The following DOCK3 variants were observed in gnomAD, a reference collection of about 807,000 sequenced individuals.
DOCK3 encodes the protein dedicator of cytokinesis 3.
In DOCK3, 60 loss-of-function variants were observed where a neutral mutation model predicts 265.6. The observed-to-expected ratio is 0.23, with a 90% CI of 0.18 to 0.28. The LOEUF is 0.28. Ranked by LOEUF, DOCK3 falls within the 10% of genes least tolerant of loss-of-function variation. The probability of loss-of-function intolerance (pLI) is 1.00; values close to 1 mark genes in which losing one functional copy is unlikely to be tolerated. For synonymous variants in DOCK3, 881 were observed against 938.0 expected, an observed-to-expected ratio of 0.94 and a Z score of 1.11; for missense variants, 1,981 against 2,594.3, an observed-to-expected ratio of 0.76 and a Z score of 5.14.
At chr3:51,350,155 G>T in intron 39 of DOCK3, 133 bp from the exon 40 acceptor site, 1 of 730,220 alleles carries the variant, frequency 1.4e-6, no homozygotes, top group Non-Finnish European at 2.3e-6. Context: ...CATGTCTAGA[G>T]GCTCACTTAC....
chr3:50,982,358 C>A (rs146403986), intron 5 of DOCK3, among the ~76,000 whole-genome samples: 1 of 151,886 alleles, frequency 6.6e-6, no homozygotes, highest in African/African-American at 2.4e-5. Context: ...TGTTTATCAC[C>A]GCAATTTGGT....
At chr3:51,160,930 G>A (rs1389617089) in intron 12 of DOCK3, among the ~76,000 whole-genome samples, 1 of 151,948 alleles carries the variant, frequency 6.6e-6, no homozygotes, top group Non-Finnish European at 1.5e-5. Context: ...CAAAAAATTA[G>A]CCAGGCGTGG....
At chr3:50,784,568 G>A (rs1286171494) in intron 2 of DOCK3, among the ~76,000 whole-genome samples, 2 of 152,028 alleles carry the variant, frequency 1.3e-5, no homozygotes, top group East Asian at 3.9e-4. Flanking sequence ...TATTTTGATG[G>A]GAATTGCATT....
chr3:51,227,504 C>T, intron 16 of DOCK3, 59 bp downstream of exon 16: 2 of 1,596,946 alleles, frequency 1.3e-6, no homozygotes, highest in Admixed American at 1.7e-5. Context: ...ACTCTCTCCT[C>T]TCTTGAACAG....
At chr3:51,209,099 C>T (rs4340738) in intron 13 of DOCK3, among the ~76,000 whole-genome samples, 138,714 of 152,284 alleles carry the variant, frequency 0.91, 63,319 homozygotes, top group African/African-American at 0.95. Flanking sequence ...ATAGGTAACT[C>T]GAGTTCCAAT....
At chr3:51,375,863 C>G (rs766041601) in intron 51 of DOCK3, 28 bp downstream of exon 51, 7 of 1,612,328 alleles carry the variant, frequency 4.3e-6, no homozygotes, top group Admixed American at 3.3e-5. Context: ...GCCTTCCCCC[C>G]ATGTCTGTCC....
intron 12 of DOCK3, among the ~76,000 whole-genome samples, chr3:51,206,587 A>G (rs2089225750): frequency 6.6e-6 from 1 of 152,102 alleles, no homozygotes; most frequent in Non-Finnish European, 1.5e-5. Context: ...GAGACGGGGA[A>G]AGAAAGGCAA....
rs535630813 is a variant in DOCK3, at chr3:51,070,123, TATC to T, written c.465-5230_465-5228del. Among the ~76,000 whole-genome samples, 498 of 152,340 alleles carry T rather than the reference TATC, an allele frequency of 3.3e-3. 4 individuals carry two copies. Among genetic ancestry groups the T allele is most frequent in the African/African-American group, 0.012 (481 of 41,570 alleles). ...AGACACTCTTTTGGCATTTTTTGCT[TATC>T]ATTATAACCTGCACTCAGCACTTGG... On this transcript the variant is annotated intron_variant, in intron 6 of 52. Coordinates refer to ENST00000266037, the MANE Select transcript of DOCK3 (RefSeq NM_004947.5).
At chr3:50,858,422 TATAATAATAATAATA>T (rs149503894) in intron 3 of DOCK3, among the ~76,000 whole-genome samples, 98 of 124,086 alleles carry the variant, frequency 7.9e-4, no homozygotes, top group African/African-American at 2.6e-3. Flanking sequence ...TAACTTAAAA[TATAATAATAATAATA>T]ATAATAATAA....
At chr3:50,752,222 C>T (rs527446633) in intron 1 of DOCK3, among the ~76,000 whole-genome samples, 3 of 152,060 alleles carry the variant, frequency 2.0e-5, no homozygotes, top group Non-Finnish European at 2.9e-5. Context: ...AACTACTTAG[C>T]GACTATAGCC....
At chr3:50,903,348 C>G (rs2883746) in intron 4 of DOCK3, among the ~76,000 whole-genome samples, 8,760 of 152,152 alleles carry the variant, frequency 0.058, 894 homozygotes, top group African/African-American at 0.2. Flanking sequence ...CCTTCAATAC[C>G]TAGTTTATTG....
chr3:50,810,843 A>G (rs2043710114), intron 2 of DOCK3, among the ~76,000 whole-genome samples: 1 of 152,198 alleles, frequency 6.6e-6, no homozygotes, highest in African/African-American at 2.4e-5. Flanking sequence ...GGAAAGAAGT[A>G]TGAGGAAACT....
At chr3:51,326,734 G>T (rs953645312) in intron 32 of DOCK3, among the ~76,000 whole-genome samples, 2 of 151,640 alleles carry the variant, frequency 1.3e-5, no homozygotes, top group African/African-American at 4.9e-5. Flanking sequence ...CAATTCTCCT[G>T]CCTCAGCCTC....
intron 1 of DOCK3, among the ~76,000 whole-genome samples, chr3:50,698,248 AT>A (rs2035762491): frequency 6.6e-6 from 1 of 152,030 alleles, no homozygotes; most frequent in Non-Finnish European, 1.5e-5. Flanking sequence ...TATTCTAGGC[AT>A]TTCATATAAA....
At chr3:50,942,216 G>A (rs932715737) in intron 5 of DOCK3, among the ~76,000 whole-genome samples, 3 of 151,828 alleles carry the variant, frequency 2.0e-5, no homozygotes, top group African/African-American at 4.8e-5. Context: ...CAGTAATTTA[G>A]GACAAAAATT....
At chr3:50,984,824 A>T (rs571614086) in intron 5 of DOCK3, among the ~76,000 whole-genome samples, 3 of 152,364 alleles carry the variant, frequency 2.0e-5, no homozygotes, top group East Asian at 3.9e-4. Flanking sequence ...CAAAACAGAA[A>T]TTTAAAAATA....
chr3:51,109,433 A>T (rs996282011), intron 9 of DOCK3, among the ~76,000 whole-genome samples: 3 of 152,126 alleles, frequency 2.0e-5, no homozygotes, highest in African/African-American at 7.2e-5. Context: ...AAAGATCTCT[A>T]ACAACCTAAC....
intron 22 of DOCK3, among the ~76,000 whole-genome samples, chr3:51,252,973 C>G (rs1560291159): frequency 6.6e-6 from 1 of 152,150 alleles, no homozygotes; most frequent in African/African-American, 2.4e-5. Flanking sequence ...GGGTTTTGCC[C>G]ATTCAGTATG....
chr3:51,032,096 G>A (rs1006871669), intron 5 of DOCK3, among the ~76,000 whole-genome samples: 1 of 150,508 alleles, frequency 6.6e-6, no homozygotes, highest in Non-Finnish European at 1.5e-5. Flanking sequence ...ATATTCTTGA[G>A]TGTCCTCAAG....
Sources: allele counts gnomAD v4.1 joint callset (sites outside exome capture counted in the v4.1 genomes callset), GRCh38; gene constraint gnomAD v4.1.1; transcripts MANE v1.5; gene names NCBI Gene and HGNC (gene_info 2026-07-23, HGNC 2026-07-21).